TRABD2B: variants seen among roughly 807,000 people sequenced by gnomAD.
TRABD2B encodes TraB domain containing 2B, also known as metalloprotease TIKI2.
A neutral mutation model predicts 40.1 loss-of-function variants in TRABD2B; 14 were observed. The observed-to-expected ratio is 0.35, with a 90% CI of 0.23 to 0.55. The LOEUF (loss-of-function observed/expected upper bound fraction) is 0.55. TRABD2B is among the 20% of genes least tolerant of loss of function. The pLI is 0.90. For missense variants in TRABD2B, 541 were observed against 648.6 expected (o/e 0.83, Z 1.80); for synonymous variants, 263 against 277.0 (o/e 0.95, Z 0.50).
chr1:47,775,742 T>C (rs961842755), intron 5 of TRABD2B, among the ~76,000 whole-genome samples: 1 of 152,140 alleles, frequency 6.6e-6, no homozygotes, highest in African/African-American at 2.4e-5. Context: ...CTCTGAGAGC[T>C]TACATTCCAA....
intron 2 of TRABD2B, among the ~76,000 whole-genome samples, chr1:47,936,976 T>TCAC (rs766112217): frequency 6.8e-6 from 1 of 147,412 alleles, no homozygotes; most frequent in Non-Finnish European, 1.5e-5. Context: ...ATCATCACCA[T>TCAC]CACCACCACC....
rs1644261147 is a variant in TRABD2B at position 47,763,053 on chromosome 1, G to C, written c.*2849C>G. ...CAGAGCAACAGGAGCATTTTATGAG[G>C]CTGGGCACAAAGAACGTTTCTGGAA... On this transcript the variant is annotated 3_prime_UTR_variant, in exon 7 of 7. Transcript: ENST00000606738. 6.6e-6 allele frequency: 1 copy of C among 152,228 alleles called. No individual in the cohort carries two copies. Among genetic ancestry groups the C allele is most frequent in the Non-Finnish European group, 1.5e-5 (1 of 68,058 alleles). The allele number at this position is 152,228 out of a possible 1,614,324, so 9.4% of individuals were successfully genotyped here.
At chr1:47,821,665 C>T (rs533574781) in intron 2 of TRABD2B, among the ~76,000 whole-genome samples, 1 of 152,212 alleles carries the variant, frequency 6.6e-6, no homozygotes, top group Non-Finnish European at 1.5e-5. Flanking sequence ...CTTGACCCTG[C>T]CTGCCTGCCT....
intron 2 of TRABD2B, among the ~76,000 whole-genome samples, chr1:47,824,870 C>A (rs1645154887): frequency 1.3e-5 from 2 of 152,196 alleles, no homozygotes; most frequent in South Asian, 4.1e-4. Flanking sequence ...CAGCCCACAC[C>A]CTCAGAGCCA....
At chr1:47,872,811 T>C (rs980644281) in intron 2 of TRABD2B, among the ~76,000 whole-genome samples, 2 of 152,108 alleles carry the variant, frequency 1.3e-5, no homozygotes, top group Admixed American at 6.5e-5. Flanking sequence ...GGCTGGGAGT[T>C]TGACCTGGGC....
Position 47,891,801 on chromosome 1 carries a change from C to CAAACA in TRABD2B, c.667-90187_667-90183dup, listed in dbSNP as rs71056644. 1.4e-3 allele frequency among the ~76,000 whole-genome samples: 208 copies of CAAACA among 150,484 alleles called. 1 individual carries two copies. Among genetic ancestry groups the CAAACA allele is most frequent in the East Asian group, 5.2e-3 (27 of 5,150 alleles). ...TGGGCTACGGAGCAAGACCCAATTTCAAACAAAACAAAACAAAACAAAACA... is the reference window on the plus strand; with the variant it reads ...TGGGCTACGGAGCAAGACCCAATTTCAAACAAAACAAAACAAAACAAAACAAAACA... On this transcript the variant is annotated intron_variant, in intron 2 of 6. Transcript: ENST00000606738.
At chr1:47,875,372 T>G (rs1005864650) in intron 2 of TRABD2B, among the ~76,000 whole-genome samples, 13 of 151,304 alleles carry the variant, frequency 8.6e-5, no homozygotes, top group Admixed American at 8.6e-4. Context: ...TAGATTTCAA[T>G]AAGCTTTCTC....
At chr1:47,831,889 A>T (rs1267952616) in intron 2 of TRABD2B, among the ~76,000 whole-genome samples, 1 of 152,124 alleles carries the variant, frequency 6.6e-6, no homozygotes, top group Non-Finnish European at 1.5e-5. Flanking sequence ...AGACTCATTC[A>T]ATGAGATGAG....
intron 2 of TRABD2B, among the ~76,000 whole-genome samples, chr1:47,927,320 A>G (rs1179395513): frequency 6.6e-6 from 1 of 152,210 alleles, no homozygotes; most frequent in Non-Finnish European, 1.5e-5. Flanking sequence ...TGGTAAATAC[A>G]GAGCCTATAA....
intron 2 of TRABD2B, among the ~76,000 whole-genome samples, chr1:47,888,220 AAGGCAGCCTCC>A (rs1488191884): frequency 6.6e-6 from 1 of 152,216 alleles, no homozygotes; most frequent in African/African-American, 2.4e-5. Context: ...ACGGGCCTGA[AAGGCAGCCTCC>A]AGCAGCAAAG....
intron 2 of TRABD2B, among the ~76,000 whole-genome samples, chr1:47,933,169 A>C (rs1051756640): frequency 1.3e-5 from 2 of 150,544 alleles, no homozygotes; most frequent in Non-Finnish European, 2.9e-5. Context: ...GCAGTGGTGC[A>C]ATCTTGGCTC....
chr1:47,823,653 G>A (rs943194671), intron 2 of TRABD2B, among the ~76,000 whole-genome samples: 9 of 152,208 alleles, frequency 5.9e-5, no homozygotes, highest in African/African-American at 2.2e-4. Flanking sequence ...TACAGACTGA[G>A]AATGGGGTGG....
chr1:47,917,405 C>T (rs1644844304), intron 2 of TRABD2B, among the ~76,000 whole-genome samples: 1 of 152,134 alleles, frequency 6.6e-6, no homozygotes, highest in Non-Finnish European at 1.5e-5. Context: ...GGACACTCCT[C>T]CCAAGTTCTA....
chr1:47,975,622 T>G (rs2148431610), intron 2 of TRABD2B, among the ~76,000 whole-genome samples: 1 of 152,276 alleles, frequency 6.6e-6, no homozygotes, highest in South Asian at 2.1e-4. Flanking sequence ...ATCTCACTGT[T>G]CTCAAGTCCA....
chr1:47,809,057 G>A (rs1222862873), intron 2 of TRABD2B, among the ~76,000 whole-genome samples: 1 of 151,914 alleles, frequency 6.6e-6, no homozygotes, highest in Non-Finnish European at 1.5e-5. Flanking sequence ...CCCTGCCCAG[G>A]ATCCCCTCCT....
intron 2 of TRABD2B, among the ~76,000 whole-genome samples, chr1:47,845,713 G>C (rs1002257978): frequency 6.6e-6 from 1 of 152,170 alleles, no homozygotes; most frequent in African/African-American, 2.4e-5. Context: ...TTAGATACAA[G>C]GTATGTGAAT....
chr1:47,948,247 A>G lies in TRABD2B; in HGVS notation c.666+45787T>C, dbSNP rs532908758. ...GCTGTTATCCTGAGGGCATATCCTG[A>G]GTGATGGCTTGCCAGGGATGTCCTT... On this transcript the variant is annotated intron_variant, in intron 2 of 6. Transcript: ENST00000606738. 1.1e-4 allele frequency among the ~76,000 whole-genome samples: 17 copies of G among 149,148 alleles called. No homozygotes were observed. The East Asian group carries it at 3.5e-3, about 31-fold the overall frequency.
At chr1:47,820,811 C>G (rs954385250) in intron 2 of TRABD2B, among the ~76,000 whole-genome samples, 3 of 151,994 alleles carry the variant, frequency 2.0e-5, no homozygotes, top group African/African-American at 7.3e-5. Flanking sequence ...CACACACACA[C>G]ACACACACAC....
intron 2 of TRABD2B, among the ~76,000 whole-genome samples, chr1:47,810,303 C>T (rs1205147603): frequency 2.0e-5 from 3 of 152,080 alleles, no homozygotes; most frequent in Admixed American, 1.3e-4. Flanking sequence ...CTCCTGGACT[C>T]AAGTGATCCT....
Sources: gnomAD v4.1 joint callset for allele counts (sites outside exome capture counted in the v4.1 genomes callset) on GRCh38, gnomAD v4.1.1 for gene constraint, MANE v1.5 for transcripts, NCBI Gene and HGNC (gene_info 2026-07-23, HGNC 2026-07-21) for gene names.